Variants in AGAP1 observed in about 807,000 individuals in gnomAD.
AGAP1 encodes ArfGAP with GTPase domain, ankyrin repeat and PH domain 1.
Under a neutral mutation model 105.3 loss-of-function variants are expected in AGAP1, and 29 were observed. The observed-to-expected ratio is 0.28, with a 90% CI of 0.21 to 0.38. The LOEUF (loss-of-function observed/expected upper bound fraction) is 0.38, where lower values mean the gene tolerates loss of function less well. Ranked by LOEUF, AGAP1 falls within the 10% of genes least tolerant of loss-of-function variation. AGAP1 has a pLI of 1.00. For synonymous variants in AGAP1, 509 were observed against 485.9 expected, an observed-to-expected ratio of 1.05 and a Z score of -0.63; for missense variants, 998 against 1,165.1, an observed-to-expected ratio of 0.86 and a Z score of 2.09.
At chr2:235,833,897 A>G (rs1959784183) in intron 9 of AGAP1, among the ~76,000 whole-genome samples, 1 of 145,478 alleles carries the variant, frequency 6.9e-6, no homozygotes, top group Non-Finnish European at 1.5e-5. Flanking sequence ...GCAGCTCACT[A>G]AAGTAATTTC....
intron 1 of AGAP1, among the ~76,000 whole-genome samples, chr2:235,542,548 T>TG (rs1943481290): frequency 6.7e-6 from 1 of 148,636 alleles, no homozygotes; most frequent in Non-Finnish European, 1.5e-5. Flanking sequence ...TACATCCTCC[T>TG]GACCCATGTG....
At chr2:235,619,532 C>G (rs1946410809) in intron 1 of AGAP1, among the ~76,000 whole-genome samples, 1 of 150,268 alleles carries the variant, frequency 6.7e-6, no homozygotes, top group South Asian at 2.1e-4. Context: ...AGCTGGGATT[C>G]AAACCTGGGG....
chr2:236,074,530 G>A (rs776211674), intron 16 of AGAP1, among the ~76,000 whole-genome samples: 23 of 152,122 alleles, frequency 1.5e-4, no homozygotes, highest in Non-Finnish European at 2.8e-4. Flanking sequence ...GAGTCCATTT[G>A]CTCTTACGAG....
intron 1 of AGAP1, among the ~76,000 whole-genome samples, chr2:235,646,064 C>A (rs910072647): frequency 3.9e-5 from 6 of 151,992 alleles, no homozygotes; most frequent in African/African-American, 4.8e-5. Context: ...ATCATGAGGT[C>A]AGAAGTTCGA....
intron 1 of AGAP1, among the ~76,000 whole-genome samples, chr2:235,628,950 T>C (rs1946730849): frequency 6.6e-6 from 1 of 152,160 alleles, no homozygotes; most frequent in African/African-American, 2.4e-5. Context: ...TAGCTGGGAT[T>C]ACAGGCGCCT....
chr2:235,643,666 C>T (rs1947278317), intron 1 of AGAP1, among the ~76,000 whole-genome samples: 1 of 150,952 alleles, frequency 6.6e-6, no homozygotes, highest in Non-Finnish European at 1.5e-5. Flanking sequence ...AGGAATTTAC[C>T]ATCTCCATCT....
chr2:235,666,117 T>G (rs940396754), intron 1 of AGAP1, among the ~76,000 whole-genome samples: 1 of 151,984 alleles, frequency 6.6e-6, no homozygotes, highest in African/African-American at 2.4e-5. Flanking sequence ...TCCTCTGCAG[T>G]CTTCCTCTCT....
In AGAP1 at chr2:235,686,652, TATATA is replaced by T. The variant is rs1559351018; in HGVS notation, c.164-22526_164-22522del. ...ATATATATATATATATATAGATATA[TATATA>T]TATATATATTTTTTTTTTTTTTTAG... is the stretch of plus-strand genomic sequence containing the variant. On this transcript the variant is annotated intron_variant, in intron 1 of 17. Transcript: ENST00000304032. 7.1e-4 allele frequency among the ~76,000 whole-genome samples: 40 copies of T among 56,188 alleles called. 2 individuals carry two copies. Among genetic ancestry groups the T allele is most frequent in the African/African-American group, 2.8e-3 (26 of 9,204 alleles). The allele number at this position is 56,188 out of a possible 152,430, so 36.9% of individuals were successfully genotyped here.
intron 1 of AGAP1, among the ~76,000 whole-genome samples, chr2:235,594,888 T>TTG (rs1274422812): frequency 2.7e-5 from 4 of 150,520 alleles, no homozygotes; most frequent in Admixed American, 6.6e-5. Context: ...TTGCTGTTTT[T>TTG]TTTTTTTTTT....
At chr2:236,060,579 A>G (rs888336192) in intron 16 of AGAP1, among the ~76,000 whole-genome samples, 1 of 152,056 alleles carries the variant, frequency 6.6e-6, no homozygotes, top group Admixed American at 6.6e-5. Flanking sequence ...GGTCATAGGT[A>G]AGCTACTCAG....
At position 235,883,333 on chromosome 2, in the gene AGAP1, T is replaced by A. The variant is rs2050124112; in HGVS notation, c.1051-12T>A. On this transcript the variant is annotated splice_polypyrimidine_tract_variant and intron_variant, in intron 9 of 17. Coordinates refer to ENST00000304032, the MANE Select transcript of AGAP1 (RefSeq NM_001037131.3). The surrounding 1 kb of genome is among the most constrained non-coding windows in gnomAD (Gnocchi z 4.5). ...ACATTAGAATTTCTATTTGGCTCTT[T>A]TTCCCTTGTAGGGCATGCTGTTGAA... 1.1e-5 allele frequency: 18 copies of A among 1,611,252 alleles called. No homozygotes were observed. The highest frequency in any genetic ancestry group is 1.5e-5 in the Non-Finnish European group (18 of 1,178,884).
At chr2:235,829,235 A>G (rs140983536) in intron 9 of AGAP1, among the ~76,000 whole-genome samples, 5 of 152,330 alleles carry the variant, frequency 3.3e-5, no homozygotes, top group Non-Finnish European at 5.9e-5. Context: ...TAGATGGTGC[A>G]TTTCGTTTTC....
At chr2:236,069,564 C>T (rs574185000) in intron 16 of AGAP1, among the ~76,000 whole-genome samples, 2 of 152,302 alleles carry the variant, frequency 1.3e-5, no homozygotes, top group South Asian at 2.1e-4. Context: ...GCTGGGATTA[C>T]AGGCACACGC....
At chr2:235,823,690 C>A (rs1431899548) in intron 9 of AGAP1, among the ~76,000 whole-genome samples, 1 of 152,134 alleles carries the variant, frequency 6.6e-6, no homozygotes, top group African/African-American at 2.4e-5. Flanking sequence ...TGTTTTGACC[C>A]AGATATTTTT....
At position 235,799,567 on chromosome 2, in the gene AGAP1, G is replaced by A. The variant is rs895001999; in HGVS notation, c.957+45G>A. On this transcript the variant is annotated intron_variant, in intron 8 of 17. Transcript: ENST00000304032. This position sits in a 1 kb window ranked among gnomAD's most constrained non-coding sequence, Gnocchi z 5.0. ...GGAGATTTGAATGCGATTCCGAAGC[G>A]TTCCCATTAACGTAAACCTGGTTGC... 8 of 1,599,870 alleles carry A rather than the reference G, an allele frequency of 5.0e-6. No homozygotes were observed. The highest frequency in any genetic ancestry group is 4.0e-5 in the African/African-American group (3 of 74,582).
intron 13 of AGAP1, among the ~76,000 whole-genome samples, chr2:236,023,111 G>A (rs928369797): frequency 6.6e-6 from 1 of 152,184 alleles, no homozygotes; most frequent in Non-Finnish European, 1.5e-5. Context: ...CATGGTAGAG[G>A]GAGAAAGACC....
chr2:236,007,607 AT>A (rs1331279042), intron 13 of AGAP1, among the ~76,000 whole-genome samples: 1 of 152,226 alleles, frequency 6.6e-6, no homozygotes, highest in Non-Finnish European at 1.5e-5. Flanking sequence ...TTAAAAAACA[AT>A]TTTTTTGGAA....
At position 236,095,730 on chromosome 2, in the gene AGAP1, T is replaced by G. The variant is rs369267014; in HGVS notation, c.2115-24462T>G. On this transcript the variant is annotated intron_variant, in intron 16 of 17. Transcript: ENST00000304032. The surrounding 1 kb of genome is among the most constrained non-coding windows in gnomAD (Gnocchi z 4.1). The stretch of plus-strand genomic sequence containing the variant: ...AATGTAAAATTGTGGGAAAAAACTT[T>G]TAAAAATTTTGACATATGAAGAAGT... 6.6e-6 allele frequency among the ~76,000 whole-genome samples: 1 copy of G among 152,198 alleles called. No homozygotes were observed. Among genetic ancestry groups the G allele is most frequent in the African/African-American group, 2.4e-5 (1 of 41,448 alleles).
chr2:235,830,046 G>T lies in AGAP1; in HGVS notation c.1050+22715G>T, dbSNP rs1379208500. ...AGTCAGAAGGAAGACTGGGGGTCGGGGTGGGACAGCATGATGCAGAGCTTT... is the reference window on the plus strand; with the variant it reads ...AGTCAGAAGGAAGACTGGGGGTCGGTGTGGGACAGCATGATGCAGAGCTTT... On this transcript the variant is annotated intron_variant, in intron 9 of 17. Coordinates refer to ENST00000304032, the MANE Select transcript of AGAP1 (RefSeq NM_001037131.3). The surrounding 1 kb of genome is among the most constrained non-coding windows in gnomAD (Gnocchi z 5.5). Among the ~76,000 whole-genome samples, 1 of 152,188 alleles carries T rather than the reference G, an allele frequency of 6.6e-6. No homozygotes were observed. Among genetic ancestry groups the T allele is most frequent in the Admixed American group, 6.5e-5 (1 of 15,288 alleles).
Sources: gnomAD v4.1 joint callset for allele counts (sites outside exome capture counted in the v4.1 genomes callset) on GRCh38, gnomAD v4.1.1 for gene constraint, Gnocchi (gnomAD v3.1) non-coding constraint, MANE v1.5 for transcripts, NCBI Gene and HGNC (gene_info 2026-07-23, HGNC 2026-07-21) for gene names.